DIO1: variants seen among roughly 807,000 people sequenced by gnomAD.
The protein encoded by DIO1 is type I iodothyronine deiodinase.
DIO1 carries 17 observed loss-of-function variants against 25.9 expected under a neutral mutation model. That is an observed-to-expected ratio of 0.66 (90% CI 0.45 to 0.98). The LOEUF is 0.98. Among genes scored for constraint, DIO1 ranks in the 50% least tolerant of loss-of-function variants. The pLI is 0.00. For synonymous variants in DIO1, 115 were observed against 114.0 expected (o/e 1.01, Z -0.05); for missense variants, 270 against 310.4 (o/e 0.87, Z 0.98).
rs113361002 is a variant in DIO1, at chr1:53,904,273, A to G, written c.338-393A>G. 1.7e-3 allele frequency among the ~76,000 whole-genome samples: 254 copies of G among 152,330 alleles called. 1 individual carries two copies. The highest frequency in any genetic ancestry group is 5.8e-3 in the African/African-American group (241 of 41,574). On this transcript the variant is annotated intron_variant, in intron 1 of 3. Transcript: ENST00000361921. ...TGACCTGCTGTGTGACCTGGAGCAAATGTGTAAAACTCAGTTTCTTTGTCT... is the reference window on the plus strand; with the variant it reads ...TGACCTGCTGTGTGACCTGGAGCAAGTGTGTAAAACTCAGTTTCTTTGTCT...
At chr1:53,904,558 G>C (rs1475890948) in intron 1 of DIO1, 108 bp from the exon 2 acceptor site, 5 of 1,393,934 alleles carry the variant, frequency 3.6e-6, no homozygotes, top group Non-Finnish European at 3.9e-6. Flanking sequence ...CTGGGGTGGG[G>C]GGTAGGGGGA....
Position 53,894,196 on chromosome 1 carries a change from T to C in DIO1, c.-15T>C. 3.1e-6 allele frequency: 5 copies of C among 1,606,174 alleles called. No individual in the cohort carries two copies. Among genetic ancestry groups the C allele is most frequent in the Non-Finnish European group, 4.3e-6 (5 of 1,175,274 alleles). On this transcript the variant is annotated 5_prime_UTR_variant, in exon 1 of 4. Transcript: ENST00000361921. The surrounding 1 kb of genome is among the most constrained non-coding windows in gnomAD (Gnocchi z 4.9). ...TCTGCCCATAGAACTCAGAGCTTAC[T>C]CTGGCTTTGCCGAGATGGGGCTGCC...
rs1205626928 is a variant in DIO1 at position 53,910,816 on chromosome 1, G to A, written c.*817G>A. ...ATAACCTTGACCAAACCAAACAATA[G>A]GCACCAGCAATGCTGTCATTCAGTT... On this transcript the variant is annotated 3_prime_UTR_variant, in exon 4 of 4. Transcript: ENST00000361921. The A allele has an allele frequency of 6.6e-6, 1 of 152,522 alleles. No homozygotes were observed. The highest frequency in any genetic ancestry group is 1.5e-5 in the Non-Finnish European group (1 of 68,048). The allele number at this position is 152,522 out of a possible 1,614,324, so 9.4% of individuals were successfully genotyped here. A position where few individuals can be genotyped will look rare whatever the true frequency, so the allele number is the denominator to read the frequency against.
At chr1:53,895,876 G>A (rs776227225) in intron 1 of DIO1, among the ~76,000 whole-genome samples, 15 of 152,016 alleles carry the variant, frequency 9.9e-5, no homozygotes, top group Admixed American at 2.6e-4. Flanking sequence ...CTCCATCGTC[G>A]TCTATATCCC....
At chr1:53,901,471 C>G (rs143534046) in intron 1 of DIO1, among the ~76,000 whole-genome samples, 1,704 of 152,240 alleles carry the variant, frequency 0.011, 33 homozygotes, top group African/African-American at 0.039. Context: ...GAACCCATCA[C>G]CATCCCTTAC....
At chr1:53,905,165 A>ATTTTT (rs1194459720) in intron 2 of DIO1, among the ~76,000 whole-genome samples, 19 of 119,024 alleles carry the variant, frequency 1.6e-4, no homozygotes, top group African/African-American at 6.1e-4. Flanking sequence ...CCTTATGGCT[A>ATTTTT]TTTTTTTTTT....
At position 53,894,207 on chromosome 1, in the gene DIO1, C is replaced by T. The variant is rs1411733745; in HGVS notation, c.-4C>T. Reference sequence around the variant, plus strand: ...AACTCAGAGCTTACTCTGGCTTTGCCGAGATGGGGCTGCCCCAGCCAGGGC... The same window carrying T: ...AACTCAGAGCTTACTCTGGCTTTGCTGAGATGGGGCTGCCCCAGCCAGGGC... On this transcript the variant is annotated 5_prime_UTR_variant, in exon 1 of 4. Coordinates refer to ENST00000361921, the MANE Select transcript of DIO1 (RefSeq NM_000792.7). This position sits in a 1 kb window ranked among gnomAD's most constrained non-coding sequence, Gnocchi z 4.9. 6 of 1,609,302 alleles carry T rather than the reference C, an allele frequency of 3.7e-6. No individual in the cohort carries two copies. Among genetic ancestry groups the T allele is most frequent in the East Asian group, 4.5e-5 (2 of 44,806 alleles).
chr1:53,907,040 C>G (rs1651691673), intron 3 of DIO1, among the ~76,000 whole-genome samples: 1 of 152,202 alleles, frequency 6.6e-6, no homozygotes, highest in African/African-American at 2.4e-5. Flanking sequence ...AATTCTAAAG[C>G]CCTTGATCGG....
rs1207543747 is a variant in DIO1 at position 53,904,690 on chromosome 1, T to C, written c.362T>C (p.Phe121Ser). 6.2e-7 allele frequency: 1 copy of C among 1,613,746 alleles called. No homozygotes were observed. Among genetic ancestry groups the C allele is most frequent in the Non-Finnish European group, 8.5e-7 (1 of 1,179,826 alleles). The stretch of plus-strand genomic sequence containing the variant: ...GGTAATAGGCCACTGGTGCTGAATT[T>C]TGGAAGTTGTACCTGACCTTCATTT... Reference protein sequence around the residue: ...MQGNRPLVLNFGSCTUPSFMF... With the variant: ...MQGNRPLVLNSGSCTUPSFMF... The change falls in exon 2 of 4, where the codon TTT becomes TCT. Residue 121 changes from phenylalanine to serine, a missense_variant. Phe to Ser is a radical substitution (Grantham distance 155). Coordinates refer to ENST00000361921, the MANE Select transcript of DIO1 (RefSeq NM_000792.7).
intron 1 of DIO1, among the ~76,000 whole-genome samples, chr1:53,895,150 C>T (rs900406759): frequency 8.5e-5 from 13 of 152,136 alleles, no homozygotes; most frequent in Non-Finnish European, 1.6e-4. Flanking sequence ...CTCGGCTGGG[C>T]GTGATGGTTC....
At chr1:53,903,286 C>G (rs1446250634) in intron 1 of DIO1, 1 of 151,920 alleles carries the variant, frequency 6.6e-6, no homozygotes, top group Admixed American at 6.6e-5. Flanking sequence ...ATGTTCCTTA[C>G]AGAGGTTGCA....
At chr1:53,906,815 A>C (rs1437641183) in intron 3 of DIO1, among the ~76,000 whole-genome samples, 2 of 152,076 alleles carry the variant, frequency 1.3e-5, no homozygotes, top group Non-Finnish European at 2.9e-5. Context: ...CACCACGCCC[A>C]GCTAATTTTT....
intron 1 of DIO1, chr1:53,903,250 C>G (rs960762255): frequency 1.3e-5 from 2 of 151,946 alleles, no homozygotes; most frequent in African/African-American, 4.9e-5. Context: ...CTCTTGCCCA[C>G]CCTTTCCCCC....
chr1:53,894,402 C>A lies in DIO1; in HGVS notation c.192C>A (p.Thr64=). The A allele has an allele frequency of 1.2e-6, 2 of 1,614,192 alleles. No individual in the cohort carries two copies. Among genetic ancestry groups the A allele is most frequent in the Non-Finnish European group, 8.5e-7 (1 of 1,180,036 alleles). The change falls in exon 1 of 4, where the codon ACC becomes ACA. Residue 64 remains threonine, a synonymous_variant. Transcript: ENST00000361921. This position sits in a 1 kb window ranked among gnomAD's most constrained non-coding sequence, Gnocchi z 4.9. ...TCAGCCACGACAACTGGATACCAAC[C>A]TTTTTCAGCACCCAGTATTTCTGGT... The part of the protein sequence containing the change: ...PHFSHDNWIP[T]FFSTQYFWFV...
rs374951097 is a variant in DIO1 at position 53,910,616 on chromosome 1, G to T, written c.*617G>T. The T allele has an allele frequency of 3.9e-5, 6 of 153,290 alleles. No individual in the cohort carries two copies. Among genetic ancestry groups the T allele is most frequent in the East Asian group, 1.9e-4 (1 of 5,202 alleles). The allele number at this position is 153,290 out of a possible 1,614,324, so 9.5% of individuals were successfully genotyped here. A position where few individuals can be genotyped will look rare whatever the true frequency, so the allele number is the denominator to read the frequency against. On this transcript the variant is annotated 3_prime_UTR_variant, in exon 4 of 4. Coordinates refer to ENST00000361921, the MANE Select transcript of DIO1 (RefSeq NM_000792.7). ...TAAACCTGTCCACATTGGTGGTGAT[G>T]ATGGGTGAGTTTCCATGGTAACACA...
chr1:53,905,943 C>T lies in DIO1; in HGVS notation c.482-152C>T, dbSNP rs373659885. 1,231 of 685,512 alleles carry T rather than the reference C, an allele frequency of 1.8e-3. 1 individual carries two copies. Among genetic ancestry groups the T allele is most frequent in the Non-Finnish European group, 2.7e-3 (1,064 of 396,588 alleles). 42.5% of individuals were successfully genotyped at this position (685,512 alleles called of 1,614,324 possible). On this transcript the variant is annotated intron_variant, in intron 2 of 3. Transcript: ENST00000361921. ...TTCTGGATCAATCACTAATTCCTGA[C>T]GTGACCTTGCACATTCAACCATAAT...
At chr1:53,898,723 C>G (rs1651206296) in intron 1 of DIO1, among the ~76,000 whole-genome samples, 1 of 122,546 alleles carries the variant, frequency 8.2e-6, no homozygotes, top group Non-Finnish European at 1.6e-5. Flanking sequence ...CCAGCCTGGG[C>G]AACAAAGCGA....
Position 53,904,800 on chromosome 1 carries a change from C to G in DIO1, c.472C>G (p.His158Asp), listed in dbSNP as rs1244954581. 1 of 1,611,786 alleles carries G rather than the reference C, an allele frequency of 6.2e-7. No homozygotes were observed. The highest frequency in any genetic ancestry group is 2.2e-5 in the East Asian group (1 of 44,764). ...DFLVIYIEEA[H>D]ASDGWAFKNN... ...TCTTGTCATTTACATTGAAGAAGCACATGCATCAGGTACAGAAAGATTCTC... is the reference window on the plus strand; with the variant it reads ...TCTTGTCATTTACATTGAAGAAGCAGATGCATCAGGTACAGAAAGATTCTC... Residue 158 changes from histidine (H) to aspartate (D), a missense_variant, in exon 2 of 4, where the codon CAT becomes GAT. By Grantham distance (81) the His-to-Asp change is moderately conservative. Transcript: ENST00000361921.
chr1:53,907,474 G>A (rs188028860), intron 3 of DIO1, among the ~76,000 whole-genome samples: 3 of 152,188 alleles, frequency 2.0e-5, no homozygotes, highest in Non-Finnish European at 2.9e-5. Context: ...AAGGTGCAAG[G>A]GTCACAGTAG....
Sources: gnomAD v4.1 joint callset for allele counts (sites outside exome capture counted in the v4.1 genomes callset) on GRCh38, gnomAD v4.1.1 for gene constraint, Gnocchi (gnomAD v3.1) non-coding constraint, MANE v1.5 for transcripts, NCBI Gene and HGNC (gene_info 2026-07-23, HGNC 2026-07-21) for gene names.